The following DTWD2 variants were observed in gnomAD, a reference collection of about 807,000 sequenced individuals.
DTWD2 encodes DTW motif tRNA-uridine aminocarboxypropyltransferase 2.
DTWD2 carries 39 observed loss-of-function variants against 31.8 expected under a neutral mutation model. The ratio of observed to expected loss-of-function variants is 1.22; its 90% CI spans 0.95 to 1.60. The LOEUF (loss-of-function observed/expected upper bound fraction) is 1.60. Among genes scored for constraint, DTWD2 ranks in the 40% most tolerant of loss-of-function variants. DTWD2 has a pLI of 0.00. For synonymous variants in DTWD2, 180 were observed against 142.8 expected (o/e 1.26, Z -1.86); for missense variants, 515 against 381.5 (o/e 1.35, Z -2.92).
At chr5:118,900,295 C>G (rs73790355) in intron 4 of DTWD2, among the ~76,000 whole-genome samples, 16,342 of 152,134 alleles carry the variant, frequency 0.11, 1,109 homozygotes, top group African/African-American at 0.19. Flanking sequence ...GTGTTAATAA[C>G]TTGCTAGCTT....
At chr5:118,870,169 C>T (rs1752470770) in intron 4 of DTWD2, among the ~76,000 whole-genome samples, 1 of 152,166 alleles carries the variant, frequency 6.6e-6, no homozygotes, top group Non-Finnish European at 1.5e-5. Context: ...TTATAAATTA[C>T]CCAGCCTTAG....
chr5:118,908,969 T>C (rs1753397771), intron 4 of DTWD2, among the ~76,000 whole-genome samples: 1 of 152,140 alleles, frequency 6.6e-6, no homozygotes, highest in Non-Finnish European at 1.5e-5. Context: ...CAAAAATAAC[T>C]GCCCAAAGAT....
chr5:118,852,169 C>T (rs1039735669), intron 4 of DTWD2, among the ~76,000 whole-genome samples: 2 of 152,140 alleles, frequency 1.3e-5, no homozygotes, highest in African/African-American at 4.8e-5. Flanking sequence ...TTGCCCAACC[C>T]GGGAAGCAGT....
chr5:118,840,312 T>C lies in DTWD2; in HGVS notation c.*605A>G, dbSNP rs909675246. 6 of 152,220 alleles carry C rather than the reference T, an allele frequency of 3.9e-5. No individual in the cohort carries two copies. Among genetic ancestry groups the C allele is most frequent in the Admixed American group, 3.3e-4 (5 of 15,286 alleles). The allele number at this position is 152,220 out of a possible 1,614,324, so 9.4% of individuals were successfully genotyped here. On this transcript the variant is annotated 3_prime_UTR_variant, in exon 6 of 6. Coordinates refer to ENST00000510708, the MANE Select transcript of DTWD2 (RefSeq NM_173666.4). ...AGTGATTACAAATGAAAATGTGTGC[T>C]ATTTCAAAATTACATGCACCTCTTT...
chr5:118,935,966 T>A (rs192107780), intron 3 of DTWD2, among the ~76,000 whole-genome samples: 134 of 152,236 alleles, frequency 8.8e-4, no homozygotes, highest in Admixed American at 4.1e-3. Flanking sequence ...TATAGAATAT[T>A]TACCAAAAGA....
chr5:118,964,898 C>T (rs1381976831), intron 1 of DTWD2, among the ~76,000 whole-genome samples: 1 of 152,200 alleles, frequency 6.6e-6, no homozygotes, highest in Non-Finnish European at 1.5e-5. Context: ...TGCCTGGCCG[C>T]CCATCGTCTG....
chr5:118,952,888 T>C (rs922051398), intron 1 of DTWD2, among the ~76,000 whole-genome samples: 1 of 152,242 alleles, frequency 6.6e-6, no homozygotes, highest in African/African-American at 2.4e-5. Flanking sequence ...TCTTTTATTT[T>C]AGTCGTATGT....
Position 118,836,126 on chromosome 5 carries a change from G to A in DTWD2, c.*4791C>T, listed in dbSNP as rs1561417905. Among the ~76,000 whole-genome samples, 2 of 151,976 alleles carry A rather than the reference G, an allele frequency of 1.3e-5. No homozygotes were observed. Among genetic ancestry groups the A allele is most frequent in the Non-Finnish European group, 2.9e-5 (2 of 67,972 alleles). ...AATATACTTCTAAGTAACAATAACA[G>A]TAAGACATATAGTAAAATTTCTTAT... is the stretch of plus-strand genomic sequence containing the variant. On this transcript the variant is annotated 3_prime_UTR_variant, in exon 6 of 6. Transcript: ENST00000510708.
chr5:118,988,467 C>G lies in DTWD2; in HGVS notation c.45G>C (p.Ala15=). ...GAGAGCTTGAGGCCCCAGAAGGCCG[C>G]GCAACGGGCTCCTGGAGTGTTCGTG... ...KEARTLQEPV[A]RPSGASSSQT... Residue 15 remains alanine (A), a synonymous_variant, in exon 1 of 6, where the codon GCG becomes GCC. Transcript: ENST00000510708. 6.2e-7 allele frequency: 1 copy of G among 1,605,548 alleles called. No homozygotes were observed. The highest frequency in any genetic ancestry group is 8.5e-7 in the Non-Finnish European group (1 of 1,177,662).
intron 4 of DTWD2, among the ~76,000 whole-genome samples, chr5:118,886,468 A>C (rs1464833866): frequency 6.6e-6 from 1 of 152,248 alleles, no homozygotes. Context: ...GAAATCAAGT[A>C]GAGGAAATGC....
At chr5:118,896,295 T>A (rs1488624449) in intron 4 of DTWD2, among the ~76,000 whole-genome samples, 1 of 152,168 alleles carries the variant, frequency 6.6e-6, no homozygotes, top group Non-Finnish European at 1.5e-5. Context: ...CAATAATATT[T>A]TCTACAAAGA....
intron 4 of DTWD2, among the ~76,000 whole-genome samples, chr5:118,853,724 C>G (rs1384852682): frequency 1.3e-5 from 2 of 152,016 alleles, no homozygotes; most frequent in Non-Finnish European, 2.9e-5. Flanking sequence ...AAGATAGGAC[C>G]CACAGACACA....
chr5:118,970,478 T>C (rs532513452), intron 1 of DTWD2, among the ~76,000 whole-genome samples: 2 of 151,956 alleles, frequency 1.3e-5, no homozygotes, highest in African/African-American at 2.4e-5. Context: ...CTCTGAGAAA[T>C]ACAGTATTAC....
rs1283664031 is a variant in DTWD2 at position 118,945,743 on chromosome 5, C to T, written c.219-1094G>A. On this transcript the variant is annotated intron_variant, in intron 1 of 5. Transcript: ENST00000510708. ...TTGTGCCACTGCACTCCAGCCTGGG[C>T]GACAGAGCGAGACTCCAACTCAAAA... 3.8e-5 allele frequency among the ~76,000 whole-genome samples: 5 copies of T among 130,984 alleles called. No individual in the cohort carries two copies. The East Asian group carries it at 6.2e-4, about 16-fold the overall frequency. The allele number at this position is 130,984 out of a possible 152,430, so 85.9% of individuals were successfully genotyped here.
At chr5:118,886,047 C>T (rs1752860766) in intron 4 of DTWD2, among the ~76,000 whole-genome samples, 1 of 152,166 alleles carries the variant, frequency 6.6e-6, no homozygotes, top group African/African-American at 2.4e-5. Flanking sequence ...GGGGAACTAC[C>T]TAATAAGCCA....
At chr5:118,843,408 A>G (rs537265981) in intron 5 of DTWD2, among the ~76,000 whole-genome samples, 1 of 132,396 alleles carries the variant, frequency 7.6e-6, no homozygotes, top group East Asian at 2.0e-4. Flanking sequence ...AAAAAGGTAA[A>G]TATCTTGGAA....
intron 4 of DTWD2, among the ~76,000 whole-genome samples, chr5:118,895,988 C>T (rs115356031): frequency 8.3e-4 from 126 of 151,912 alleles, no homozygotes; most frequent in African/African-American, 2.9e-3. Context: ...CAGTAATATC[C>T]CATGAAGATG....
chr5:118,958,240 G>A (rs1396794425), intron 1 of DTWD2, among the ~76,000 whole-genome samples: 2 of 152,044 alleles, frequency 1.3e-5, no homozygotes, highest in East Asian at 1.9e-4. Context: ...AGATCATGAG[G>A]TCAGGAGCTC....
intron 5 of DTWD2, among the ~76,000 whole-genome samples, chr5:118,844,119 T>C (rs1230681450): frequency 6.6e-6 from 1 of 152,216 alleles, no homozygotes; most frequent in African/African-American, 2.4e-5. Flanking sequence ...GCATGAGAGA[T>C]GCATAAACTT....
Sources: gnomAD v4.1 joint callset for allele counts (sites outside exome capture counted in the v4.1 genomes callset) on GRCh38, gnomAD v4.1.1 for gene constraint, MANE v1.5 for transcripts, NCBI Gene and HGNC (gene_info 2026-07-23, HGNC 2026-07-21) for gene names.